Variants in TMEM276 observed in about 807,000 individuals in gnomAD.
TMEM276 encodes the protein transmembrane protein 276.
chr8:144,466,376 CGCGGGGCGGCGCGAAGCGGGGCCCTCT>C, the TMEM276 span: 9 of 851,454 alleles, frequency 1.1e-5, no homozygotes, highest in Non-Finnish European at 1.4e-5. Context: ...GGCGCGGGGA[CGCGGGGCGGCGCGAAGCGGGGCCCTCT>C]GCCGCCCCGC....
the TMEM276 span, chr8:144,464,829 C>A: frequency 6.2e-7 from 1 of 1,612,708 alleles, no homozygotes; most frequent in Non-Finnish European, 8.5e-7. Context: ...CTCACGGCTG[C>A]GTGCAGAGAC....
the TMEM276 span, chr8:144,464,787 T>C: frequency 6.2e-7 from 1 of 1,611,732 alleles, no homozygotes. Context: ...GATGCGCCCC[T>C]GCTCAGCCCC....
chr8:144,465,186 G>T, the TMEM276 span: 2 of 1,329,926 alleles, frequency 1.5e-6, no homozygotes, highest in East Asian at 6.1e-5. Flanking sequence ...TGGGGCCCTG[G>T]AGCCCAAGTG....
the TMEM276 span, chr8:144,464,768 A>G: frequency 6.2e-7 from 1 of 1,608,832 alleles, no homozygotes; most frequent in Admixed American, 1.7e-5. Flanking sequence ...GGGGTTTGGG[A>G]GGTATGGGGA....
chr8:144,465,389 G>A, the TMEM276 span: 1 of 1,027,574 alleles, frequency 9.7e-7, no homozygotes, highest in East Asian at 1.0e-4. Context: ...CGAGCGGGAG[G>A]CCCGAGCCTG....
At chr8:144,466,406 C>T in the TMEM276 span, 2 of 1,231,802 alleles carry the variant, frequency 1.6e-6, no homozygotes, top group Non-Finnish European at 2.1e-6. Context: ...GGCCCTCTGC[C>T]GCCCCGCGCT....
the TMEM276 span, chr8:144,465,575 G>C: frequency 1.4e-4 from 28 of 203,908 alleles, no homozygotes; most frequent in Non-Finnish European, 2.4e-4. Context: ...CGAGACCTGG[G>C]GGGGGCCGGT....
At chr8:144,463,882 C>T in the TMEM276 span, 15 of 1,392,052 alleles carry the variant, frequency 1.1e-5, no homozygotes, top group Non-Finnish European at 1.3e-5. Flanking sequence ...GATCCACAAC[C>T]GTGTCCAGCC....
the TMEM276 span, chr8:144,464,771 T>G: frequency 6.2e-7 from 1 of 1,609,568 alleles, no homozygotes; most frequent in Non-Finnish European, 8.5e-7. Flanking sequence ...GTTTGGGAGG[T>G]ATGGGGATGC....
chr8:144,465,158 T>TG, the TMEM276 span: 38 of 1,404,660 alleles, frequency 2.7e-5, no homozygotes, highest in Admixed American at 9.5e-4. Flanking sequence ...GGGTCTAAGC[T>TG]GGGGGGAACG....
chr8:144,464,099 A>G, the TMEM276 span: 1,032 of 1,588,844 alleles, frequency 6.5e-4, no homozygotes, highest in Non-Finnish European at 8.4e-4. Context: ...TCGGCAGGGC[A>G]GAAACCCTGC....
the TMEM276 span, chr8:144,466,716 G>T: frequency 7.6e-6 from 11 of 1,441,158 alleles, no homozygotes; most frequent in South Asian, 1.3e-4. Flanking sequence ...GGGCCAGCAG[G>T]CTGCCTGCCC....
At chr8:144,465,513 G>A in the TMEM276 span, 142 of 886,098 alleles carry the variant, frequency 1.6e-4, no homozygotes, top group African/African-American at 1.4e-3. Flanking sequence ...TAGAGCGGCC[G>A]GGCGGGGCTA....
chr8:144,466,953 C>G, the TMEM276 span: 26 of 1,590,086 alleles, frequency 1.6e-5, no homozygotes, highest in Middle Eastern at 1.7e-4. Flanking sequence ...CCTCCCTGAC[C>G]GGCAGCCAGC....
At chr8:144,466,302 G>A in the TMEM276 span, 1 of 247,146 alleles carries the variant, frequency 4.0e-6, no homozygotes, top group Non-Finnish European at 7.3e-6. Flanking sequence ...CGTGGGAGCC[G>A]GGCCGTGGGG....
chr8:144,464,315 C>T, the TMEM276 span: 2 of 1,613,074 alleles, frequency 1.2e-6, no homozygotes, highest in Admixed American at 1.7e-5. Flanking sequence ...GTGAAGACAG[C>T]TACAATGAGG....
At chr8:144,466,585 C>T in the TMEM276 span, 7 of 940,146 alleles carry the variant, frequency 7.4e-6, no homozygotes, top group East Asian at 3.4e-5. Flanking sequence ...CCGAGGTTCC[C>T]GGGGCGGGGG....
At chr8:144,464,676 A>G in the TMEM276 span, 1 of 1,573,924 alleles carries the variant, frequency 6.4e-7, no homozygotes, top group Non-Finnish European at 8.6e-7. Flanking sequence ...TTTAAACAGG[A>G]AAGGGTTTGG....
chr8:144,466,899 C>T, the TMEM276 span: 7 of 1,549,958 alleles, frequency 4.5e-6, no homozygotes, highest in South Asian at 3.5e-5. Flanking sequence ...CAGGGAGGGG[C>T]GGAGGCCTGG....
Sources: gnomAD v4.1 joint callset for allele counts on GRCh38, gnomAD v4.1.1 for gene constraint, MANE v1.5 for transcripts, NCBI Gene and HGNC (gene_info 2026-07-23, HGNC 2026-07-21) for gene names.